The following RAG1 variants were observed in gnomAD, a reference collection of about 807,000 sequenced individuals.
The protein encoded by RAG1 is recombination activating 1.
A neutral mutation model predicts 62.7 loss-of-function variants in RAG1; 35 were observed. That is an observed-to-expected ratio of 0.56 (90% CI 0.43 to 0.74). The LOEUF is 0.74. Among genes scored for constraint, RAG1 ranks in the 30% least tolerant of loss-of-function variants. The pLI is 0.00. For missense variants in RAG1, 1,169 were observed against 1,278.6 expected (o/e 0.91, Z 1.31); for synonymous variants, 461 against 470.3 (o/e 0.98, Z 0.26).
At chr11:36,540,756 G>A (rs962316648), downstream of RAG1, among the ~76,000 whole-genome samples, 1 of 151,906 alleles carries the variant, frequency 6.6e-6, no homozygotes, top group African/African-American at 2.4e-5. Flanking sequence ...TTTGTTCTTT[G>A]GACATACCAA....
chr11:36,543,438 G>T (rs1850341913), intron 3 of RAG1, among the ~76,000 whole-genome samples: 1 of 152,170 alleles, frequency 6.6e-6, no homozygotes, highest in Non-Finnish European at 1.5e-5. Flanking sequence ...AGAACTGTGG[G>T]GTTTGCTCAC....
intron 1 of RAG1, among the ~76,000 whole-genome samples, chr11:36,519,352 T>C (rs1860043104): frequency 1.3e-5 from 2 of 152,198 alleles, no homozygotes; most frequent in African/African-American, 4.8e-5. Context: ...TGGAACACAG[T>C]TGGAAACTGA....
chr11:36,522,345 G>A (rs551977939), intron 2 of RAG1, among the ~76,000 whole-genome samples: 11 of 152,336 alleles, frequency 7.2e-5, no homozygotes, highest in African/African-American at 2.6e-4. Context: ...TCCAAGGTAT[G>A]GCTCGGGCTG....
chr11:36,521,327 T>A (rs1860077064), intron 2 of RAG1, among the ~76,000 whole-genome samples: 1 of 152,088 alleles, frequency 6.6e-6, no homozygotes, highest in East Asian at 1.9e-4. Flanking sequence ...GATGATTGAG[T>A]CATGGGGGCA....
chr11:36,558,521 G>A (rs772106792), intron 3 of RAG1, among the ~76,000 whole-genome samples: 4 of 152,014 alleles, frequency 2.6e-5, no homozygotes, highest in Admixed American at 6.5e-5. Flanking sequence ...ATTATATAAT[G>A]GTGCCATCTG....
downstream of RAG1, among the ~76,000 whole-genome samples, chr11:36,540,939 C>G (rs1367303260): frequency 6.6e-6 from 1 of 152,114 alleles, no homozygotes; most frequent in African/African-American, 2.4e-5. Flanking sequence ...TGTTTCCTAC[C>G]TAGGTTTAAA....
At position 36,575,560 on chromosome 11, in the gene RAG1, C is replaced by G. The variant is rs1350287702; in HGVS notation, c.2256C>G (p.Ser752Arg). The change falls in exon 2 of 2, where the codon AGC (serine) becomes AGG (arginine). Residue 752 changes from serine to arginine, a missense_variant. Ser to Arg is a moderately radical substitution (Grantham distance 110). Around this residue, in one of 2 missense-constraint regions of RAG1, gnomAD observed 800 missense variants for 943.3 expected, o/e 0.85. Transcript: ENST00000299440. This position sits in a 1 kb window ranked among gnomAD's most constrained non-coding sequence, Gnocchi z 4.1. ...QNLVFHSITRSHAENLERYEV... is the reference protein window; with the variant it reads ...QNLVFHSITRRHAENLERYEV... ...TTGTCTTCCACTCTATAACCAGAAGCCATGCTGAGAACCTGGAACGTTATG... is the reference window on the plus strand; with the variant it reads ...TTGTCTTCCACTCTATAACCAGAAGGCATGCTGAGAACCTGGAACGTTATG... The G allele has an allele frequency of 6.2e-7, 1 of 1,614,108 alleles. No homozygotes were observed. The highest frequency in any genetic ancestry group is 8.5e-7 in the Non-Finnish European group (1 of 1,180,056).
chr11:36,575,192 A>G lies in RAG1; in HGVS notation c.1888A>G (p.Met630Val). ...GGCAGTCCGTTTTTCATTCACAATC[A>G]TGAAAATTACTATTGCCCACAGCTC... The part of the protein sequence containing the change: ...EKAVRFSFTI[M>V]KITIAHSSQN... The change falls in exon 2 of 2, where the codon ATG becomes GTG. Residue 630 changes from methionine (M) to valine (V), a missense_variant. Coordinates refer to ENST00000299440, the MANE Select transcript of RAG1 (RefSeq NM_000448.3). The surrounding 1 kb of genome is among the most constrained non-coding windows in gnomAD (Gnocchi z 4.1). 1 of 1,614,192 alleles carries G rather than the reference A, an allele frequency of 6.2e-7. No individual in the cohort carries two copies. The highest frequency in any genetic ancestry group is 8.5e-7 in the Non-Finnish European group (1 of 1,180,026).
intron 3 of RAG1, among the ~76,000 whole-genome samples, chr11:36,546,911 C>G (rs1010627825): frequency 1.3e-5 from 2 of 152,066 alleles, no homozygotes; most frequent in Admixed American, 1.3e-4. Context: ...TGCAGGGTTT[C>G]TGTGGAGACA....
chr11:36,519,494 C>T (rs1860045435), intron 1 of RAG1, among the ~76,000 whole-genome samples: 1 of 152,204 alleles, frequency 6.6e-6, no homozygotes, highest in Admixed American at 6.5e-5. Flanking sequence ...TATACAACTG[C>T]ACTTATAGTA....
chr11:36,520,979 GT>G (rs1860071076), intron 2 of RAG1, among the ~76,000 whole-genome samples: 2 of 117,926 alleles, frequency 1.7e-5, no homozygotes. Context: ...TTTTTTTTGA[GT>G]TGGAGTTTTG....
Position 36,527,445 on chromosome 11 carries a change from C to T in RAG1, n.428+7216C>T, listed in dbSNP as rs1435883241. 2.6e-5 allele frequency among the ~76,000 whole-genome samples: 4 copies of T among 152,030 alleles called. No individual in the cohort carries two copies. In the East Asian group the frequency reaches 7.7e-4, roughly 29 times the overall value. On this transcript the variant is annotated intron_variant and non_coding_transcript_variant, in intron 2 of 2. Transcript: ENST00000529126. Reference sequence around the variant, plus strand: ...TCTGTTCTGTTCCATTGGTCTATATCTCTGTTTTGGTACCACTACCATGCT... The same window carrying T: ...TCTGTTCTGTTCCATTGGTCTATATTTCTGTTTTGGTACCACTACCATGCT...
intron 3 of RAG1, among the ~76,000 whole-genome samples, chr11:36,546,015 G>T (rs1486798536): frequency 6.6e-6 from 1 of 152,124 alleles, no homozygotes; most frequent in Non-Finnish European, 1.5e-5. Context: ...TACCAATTAT[G>T]TGGTCAATTT....
At chr11:36,522,104 C>G (rs560922587) in intron 2 of RAG1, among the ~76,000 whole-genome samples, 1 of 152,130 alleles carries the variant, frequency 6.6e-6, no homozygotes, top group Admixed American at 6.5e-5. Flanking sequence ...AAATTTAAGC[C>G]AGCTGCAGAA....
chr11:36,539,470 A>G (rs527715735), downstream of RAG1, among the ~76,000 whole-genome samples: 3 of 152,194 alleles, frequency 2.0e-5, no homozygotes, highest in South Asian at 6.2e-4. Flanking sequence ...GGGATCTTGC[A>G]TATGTCCAGT....
At chr11:36,538,903 G>A (rs1261969732), downstream of RAG1, among the ~76,000 whole-genome samples, 3 of 152,064 alleles carry the variant, frequency 2.0e-5, no homozygotes, top group Admixed American at 6.5e-5. Context: ...CTGTCCTGTC[G>A]CTCAGGAAGA....
chr11:36,575,357 A>T lies in RAG1; in HGVS notation c.2053A>T (p.Met685Leu), dbSNP rs1458457310. The change falls in exon 2 of 2, where the codon ATG (methionine) becomes TTG (leucine). Residue 685 changes from methionine (M) to leucine (L), a missense_variant. Met to Leu is a conservative substitution (Grantham distance 15). Around this residue, in one of 2 missense-constraint regions of RAG1, gnomAD observed 800 missense variants for 943.3 expected, o/e 0.85. Coordinates refer to ENST00000299440, the MANE Select transcript of RAG1 (RefSeq NM_000448.3). This position sits in a 1 kb window ranked among gnomAD's most constrained non-coding sequence, Gnocchi z 4.1. ...LSPLIAEREA[M>L]KSSELMLELG... is the part of the protein sequence containing the mutation. Reference sequence around the variant, plus strand: ...TCCTCTCATTGCTGAGAGGGAGGCCATGAAGAGCAGTGAATTAATGCTTGA... The same window carrying T: ...TCCTCTCATTGCTGAGAGGGAGGCCTTGAAGAGCAGTGAATTAATGCTTGA... The T allele has an allele frequency of 1.2e-6, 2 of 1,614,154 alleles. No homozygotes were observed. The highest frequency in any genetic ancestry group is 1.7e-5 in the Admixed American group (1 of 60,030).
chr11:36,512,401 T>C (rs1303569212), intron 1 of RAG1, among the ~76,000 whole-genome samples: 1 of 152,232 alleles, frequency 6.6e-6, no homozygotes, highest in Non-Finnish European at 1.5e-5. Context: ...ACGCCTGTTA[T>C]TTTAAGCCAT....
chr11:36,551,077 A>G (rs1850474863), intron 3 of RAG1, among the ~76,000 whole-genome samples: 2 of 152,178 alleles, frequency 1.3e-5, no homozygotes, highest in Admixed American at 1.3e-4. Context: ...CTCCTACAGA[A>G]TATCAAATTG....
Sources: gnomAD v4.1 joint callset for allele counts (sites outside exome capture counted in the v4.1 genomes callset) on GRCh38, gnomAD v4.1.1 for gene constraint, gnomAD v4.1.1 regional missense constraint, Gnocchi (gnomAD v3.1) non-coding constraint, MANE v1.5 for transcripts, NCBI Gene and HGNC (gene_info 2026-07-23, HGNC 2026-07-21) for gene names.